Variants in DAAM1 observed in about 807,000 individuals in gnomAD.
DAAM1 encodes dishevelled associated activator of morphogenesis 1, also known as disheveled-associated activator of morphogenesis 1.
In DAAM1, 52 loss-of-function variants were observed where a neutral mutation model predicts 130.0. The observed-to-expected ratio is 0.40, with a 90% CI of 0.32 to 0.50. DAAM1 has a LOEUF of 0.50. Among genes scored for constraint, DAAM1 ranks in the 20% least tolerant of loss-of-function variants. The probability of loss-of-function intolerance (pLI) is 0.61; values close to 1 mark genes in which losing one functional copy is unlikely to be tolerated. For synonymous variants in DAAM1, 452 were observed against 444.5 expected (o/e 1.02, Z -0.21); for missense variants, 1,134 against 1,303.8 (o/e 0.87, Z 2.01).
rs371621695 is a variant in DAAM1, at chr14:59,312,542, A to G, written c.274-2738A>G. 1.5e-4 allele frequency among the ~76,000 whole-genome samples: 23 copies of G among 152,324 alleles called. 1 individual carries two copies. The highest frequency in any genetic ancestry group is 8.5e-4 in the Admixed American group (13 of 15,294). The stretch of plus-strand genomic sequence containing the variant: ...TAGAGATGATAGTGAAGTCCCAGAT[A>G]TAGCTGTGAATGTCTACCTCAGTAA... On this transcript the variant is annotated intron_variant, in intron 3 of 24. Coordinates refer to ENST00000360909, the MANE Select transcript of DAAM1 (RefSeq NM_001270520.2).
Position 59,370,674 on chromosome 14 carries a change from A to G in DAAM1, c.*1815A>G, listed in dbSNP as rs1388767762. The G allele has an allele frequency of 6.6e-6, 1 of 152,162 alleles. No homozygotes were observed. Among genetic ancestry groups the G allele is most frequent in the Non-Finnish European group, 1.5e-5 (1 of 68,014 alleles). 9.4% of individuals were successfully genotyped at this position (152,162 alleles called of 1,614,324 possible). A position where few individuals can be genotyped will look rare whatever the true frequency, so the allele number is the denominator to read the frequency against. On this transcript the variant is annotated 3_prime_UTR_variant, in exon 25 of 25. Transcript: ENST00000360909. ...AATAAAACAGTCATAAATACAAAGC[A>G]GAGGTTGCACTCCCCCAATCCCGAG... is the stretch of plus-strand genomic sequence containing the variant.
intron 2 of DAAM1, among the ~76,000 whole-genome samples, chr14:59,285,687 A>T (rs1244434932): frequency 6.6e-6 from 1 of 152,210 alleles, no homozygotes; most frequent in African/African-American, 2.4e-5. Context: ...AAGGCATTGC[A>T]TAATGATAAA....
At chr14:59,211,626 T>A (rs1399958596) in intron 1 of DAAM1, among the ~76,000 whole-genome samples, 1 of 152,240 alleles carries the variant, frequency 6.6e-6, no homozygotes, top group Non-Finnish European at 1.5e-5. Context: ...CTCTACACAA[T>A]TGACCGAAGG....
intron 1 of DAAM1, among the ~76,000 whole-genome samples, chr14:59,236,604 T>C (rs958618533): frequency 6.6e-6 from 1 of 152,132 alleles, no homozygotes; most frequent in Admixed American, 6.5e-5. Flanking sequence ...GAATCACTCT[T>C]CCTTTAGCAT....
intron 1 of DAAM1, among the ~76,000 whole-genome samples, chr14:59,219,598 G>A (rs1888706353): frequency 1.3e-5 from 2 of 151,902 alleles, no homozygotes; most frequent in African/African-American, 4.8e-5. Flanking sequence ...ACTATTATAC[G>A]GTACTCTTTC....
intron 1 of DAAM1, among the ~76,000 whole-genome samples, chr14:59,201,793 C>CAA (rs75591936): frequency 2.3e-4 from 23 of 101,528 alleles, no homozygotes; most frequent in Middle Eastern, 5.7e-3. Context: ...GATACTGTCT[C>CAA]AAAAAAAAAA....
intron 1 of DAAM1, among the ~76,000 whole-genome samples, chr14:59,209,673 A>G (rs1373534167): frequency 6.6e-6 from 1 of 152,206 alleles, no homozygotes; most frequent in Admixed American, 6.5e-5. Flanking sequence ...GAGCATGTTT[A>G]AGGTAGGCTA....
intron 19 of DAAM1, among the ~76,000 whole-genome samples, chr14:59,354,947 T>C (rs1437932723): frequency 6.6e-6 from 1 of 152,232 alleles, no homozygotes; most frequent in African/African-American, 2.4e-5. Context: ...TGCAGCTGTC[T>C]ATGGGTGTTG....
At chr14:59,291,421 G>A (rs1383463642) in intron 3 of DAAM1, 115 bp downstream of exon 3, 3 of 804,256 alleles carry the variant, frequency 3.7e-6, no homozygotes, top group Non-Finnish European at 5.7e-6. Context: ...CAGATTGAAT[G>A]TGTTATGTTG....
intron 16 of DAAM1, among the ~76,000 whole-genome samples, chr14:59,342,072 C>T (rs539830723): frequency 1.1e-4 from 16 of 152,258 alleles, no homozygotes; most frequent in African/African-American, 3.4e-4. Context: ...TGTAAATTCC[C>T]TTGTTGCCCT....
rs577755233 is a variant in DAAM1, at chr14:59,203,690, T to C, written c.-38+14922T>C. On this transcript the variant is annotated intron_variant, in intron 1 of 24. Transcript: ENST00000360909. ...TCCATGTTTTTCTCATACATCCTAA[T>C]CATGAGCTAGGGTATTAGAGGATAA... Among the ~76,000 whole-genome samples, 3 of 152,368 alleles carry C rather than the reference T, an allele frequency of 2.0e-5. No homozygotes were observed. In the East Asian group the frequency reaches 5.8e-4, roughly 29 times the overall value.
At chr14:59,358,879 G>T (rs574784685) in intron 20 of DAAM1, among the ~76,000 whole-genome samples, 15 of 150,372 alleles carry the variant, frequency 1.0e-4, no homozygotes, top group African/African-American at 3.2e-4. Flanking sequence ...TCAGTGAGTT[G>T]CTGCTCTGTA....
At chr14:59,304,731 T>A (rs562360898) in intron 3 of DAAM1, among the ~76,000 whole-genome samples, 3 of 152,356 alleles carry the variant, frequency 2.0e-5, no homozygotes, top group Non-Finnish European at 4.4e-5. Context: ...AATTCATGAG[T>A]ACATTGTAGA....
chr14:59,262,440 G>A (rs1447169653), intron 1 of DAAM1, among the ~76,000 whole-genome samples: 1 of 152,088 alleles, frequency 6.6e-6, no homozygotes, highest in Non-Finnish European at 1.5e-5. Flanking sequence ...TTTTTGTGGT[G>A]AAAATTTGGA....
intron 3 of DAAM1, among the ~76,000 whole-genome samples, chr14:59,298,859 T>G (rs923961188): frequency 3.9e-5 from 6 of 152,250 alleles, no homozygotes; most frequent in African/African-American, 1.2e-4. Context: ...CAACCACCCC[T>G]GCCTTGTGTA....
intron 5 of DAAM1, among the ~76,000 whole-genome samples, chr14:59,321,621 G>T (rs1566702182): frequency 6.6e-6 from 1 of 152,216 alleles, no homozygotes; most frequent in Non-Finnish European, 1.5e-5. Context: ...ATGAGCACAG[G>T]TGCTATGAAT....
At position 59,363,765 on chromosome 14, in the gene DAAM1, G is replaced by C; in HGVS notation, c.2809G>C (p.Ala937Pro). 1.9e-6 allele frequency: 3 copies of C among 1,613,964 alleles called. No individual in the cohort carries two copies. The highest frequency in any genetic ancestry group is 2.5e-6 in the Non-Finnish European group (3 of 1,179,964). ...FSFSDVEDLL[A>P]EAKDLFTKAV... ...CTTCTCTGATGTTGAAGACCTTCTA[G>C]CAGAAGCTAAAGACCTGGTAAGTTT... Residue 937 changes from alanine (A) to proline (P), a missense_variant, in exon 23 of 25, where the codon GCA becomes CCA. By Grantham distance (27) the Ala-to-Pro change is conservative. Transcript: ENST00000360909.
At chr14:59,189,207 C>T (rs1222849715) in intron 1 of DAAM1, among the ~76,000 whole-genome samples, 1 of 152,078 alleles carries the variant, frequency 6.6e-6, no homozygotes, top group East Asian at 1.9e-4. Context: ...AGAGGGAGAA[C>T]CCCGAGGCAG....
chr14:59,359,312 A>T, intron 20 of DAAM1, 85 bp from the exon 21 acceptor site: 2 of 1,002,554 alleles, frequency 2.0e-6, no homozygotes, highest in Non-Finnish European at 3.0e-6. Flanking sequence ...TATAAATCAT[A>T]TGCAGATATT....
Sources: allele counts gnomAD v4.1 joint callset (sites outside exome capture counted in the v4.1 genomes callset), GRCh38; gene constraint gnomAD v4.1.1; transcripts MANE v1.5; gene names NCBI Gene and HGNC (gene_info 2026-07-23, HGNC 2026-07-21).